Variants in RBM19 observed in about 807,000 individuals in gnomAD.
RBM19 encodes the protein probable RNA-binding protein 19.
A neutral mutation model predicts 116.8 loss-of-function variants in RBM19; 94 were observed. The ratio of observed to expected loss-of-function variants is 0.80; its 90% CI spans 0.68 to 0.95. RBM19 has a LOEUF of 0.95. Ranked by LOEUF, RBM19 falls within the 40% of genes least tolerant of loss-of-function variation. The pLI, the probability that RBM19 is intolerant of heterozygous loss-of-function variation, is 0.00. For synonymous variants in RBM19, 475 were observed against 494.1 expected, an observed-to-expected ratio of 0.96 and a Z score of 0.51; for missense variants, 1,161 against 1,220.7, an observed-to-expected ratio of 0.95 and a Z score of 0.73.
intron 21 of RBM19, among the ~76,000 whole-genome samples, chr12:113,882,881 T>C (rs1880246413): frequency 6.6e-6 from 1 of 152,364 alleles, no homozygotes; most frequent in South Asian, 2.1e-4. Context: ...CCAGCTTTTA[T>C]GCTGAGTCTG....
chr12:113,930,698 G>A (rs1869527416), intron 16 of RBM19, among the ~76,000 whole-genome samples: 1 of 152,214 alleles, frequency 6.6e-6, no homozygotes, highest in Non-Finnish European at 1.5e-5. Flanking sequence ...AGCAGCGCAG[G>A]CTCTGGCTGA....
At chr12:113,863,675 C>T (rs775067665) in intron 21 of RBM19, among the ~76,000 whole-genome samples, 2 of 152,166 alleles carry the variant, frequency 1.3e-5, no homozygotes, top group Non-Finnish European at 2.9e-5. Flanking sequence ...TTCTCCCCAC[C>T]TGCACCCAAG....
intron 21 of RBM19, among the ~76,000 whole-genome samples, chr12:113,861,406 A>C (rs1878356741): frequency 6.6e-6 from 1 of 151,652 alleles, no homozygotes; most frequent in Non-Finnish European, 1.5e-5. Context: ...TTCTGCCCAC[A>C]AGGGCTATAA....
chr12:113,962,438 G>A, intron 1 of RBM19, 24 bp from the exon 2 acceptor site: 1 of 1,602,282 alleles, frequency 6.2e-7, no homozygotes, highest in Non-Finnish European at 8.5e-7. Context: ...AAAGGAATGA[G>A]AGACGAACTG....
At chr12:113,945,032 AT>A (rs2135915966) in intron 13 of RBM19, among the ~76,000 whole-genome samples, 1 of 152,308 alleles carries the variant, frequency 6.6e-6, no homozygotes, top group South Asian at 2.1e-4. Flanking sequence ...TAGAGATCTA[AT>A]ATAAATGTAC....
intron 21 of RBM19, among the ~76,000 whole-genome samples, chr12:113,908,198 C>G (rs1291994600): frequency 1.3e-5 from 2 of 152,176 alleles, no homozygotes; most frequent in African/African-American, 4.8e-5. Flanking sequence ...AAGTCTTCCC[C>G]CATCCTGCTC....
At position 113,915,008 on chromosome 12, in the gene RBM19, G is replaced by A; in HGVS notation, c.2519C>T (p.Pro840Leu). The change falls in exon 21 of 24, where the codon CCC becomes CTC. Residue 840 changes from proline to leucine, a missense_variant. Pro to Leu is a moderately conservative substitution (Grantham distance 98, BLOSUM62 -3). Coordinates refer to ENST00000261741, the MANE Select transcript of RBM19 (RefSeq NM_016196.4). ...GATCTCCCGGCTGTGGGCCTGGAAG[G>A]GGATGTTCCGCACCAGGATCTTGGA... Reference protein sequence around the residue: ...TTSKILVRNIPFQAHSREIRE... With the variant: ...TTSKILVRNILFQAHSREIRE... 3 of 1,614,184 alleles carry A rather than the reference G, an allele frequency of 1.9e-6. No homozygotes were observed. Among genetic ancestry groups the A allele is most frequent in the South Asian group, 2.2e-5 (2 of 91,084 alleles).
chr12:113,853,680 G>A (rs1341785167), intron 22 of RBM19, among the ~76,000 whole-genome samples: 1 of 152,200 alleles, frequency 6.6e-6, no homozygotes, highest in Non-Finnish European at 1.5e-5. Context: ...CAGCCAATGG[G>A]GATGAGTGTA....
intron 22 of RBM19, among the ~76,000 whole-genome samples, chr12:113,853,657 A>C: frequency 6.6e-6 from 1 of 152,128 alleles, no homozygotes; most frequent in Non-Finnish European, 1.5e-5. Context: ...CCCAATGGCT[A>C]TTGGTGGCCA....
In RBM19 at chr12:113,945,906, T is replaced by G; in HGVS notation, c.1548A>C (p.Thr516=). 1.3e-6 allele frequency: 2 copies of G among 1,581,756 alleles called. No individual in the cohort carries two copies. Among genetic ancestry groups the G allele is most frequent in the Non-Finnish European group, 1.7e-6 (2 of 1,150,594 alleles). Reference sequence around the variant, plus strand: ...CCACGGCATTCGGCCCCATGAATAGTGTGTTCCAGTTGTGAGAGCTAAGAG... The same window carrying G: ...CCACGGCATTCGGCCCCATGAATAGGGTGTTCCAGTTGTGAGAGCTAAGAG... ...ANSASSHNWN[T]LFMGPNAVAD... Residue 516 remains threonine (T), a synonymous_variant, in exon 13 of 24, where the codon ACA becomes ACC. Transcript: ENST00000261741.
At chr12:113,944,008 G>A (rs1438017866) in intron 13 of RBM19, among the ~76,000 whole-genome samples, 2 of 151,304 alleles carry the variant, frequency 1.3e-5, no homozygotes, top group Non-Finnish European at 2.9e-5. Flanking sequence ...AATGGGCAAG[G>A]AGCTTACGAG....
Position 113,937,341 on chromosome 12 carries a change from T to C in RBM19, c.1939-205A>G. The C allele has an allele frequency of 6.1e-6, 3 of 492,328 alleles. No homozygotes were observed. The South Asian group carries it at 9.8e-5, about 16-fold the overall frequency. The allele number at this position is 492,328 out of a possible 1,614,324, so 30.5% of individuals were successfully genotyped here. Reference sequence around the variant, plus strand: ...TCGGCCCCCATGCTGCATCTCAGGGTGCAGGAGAGAGGCTTTAGTCTCTGT... The same window carrying C: ...TCGGCCCCCATGCTGCATCTCAGGGCGCAGGAGAGAGGCTTTAGTCTCTGT... On this transcript the variant is annotated intron_variant, in intron 15 of 23. Coordinates refer to ENST00000261741, the MANE Select transcript of RBM19 (RefSeq NM_016196.4).
chr12:113,830,578 G>T (rs1447887839), intron 23 of RBM19, among the ~76,000 whole-genome samples: 23 of 108,696 alleles, frequency 2.1e-4, no homozygotes, highest in African/African-American at 6.0e-4. Context: ...TGCGGGGCGG[G>T]GGGGGGGGGG....
At chr12:113,950,054 G>T in intron 9 of RBM19, 29 bp downstream of exon 9, 1 of 1,551,726 alleles carries the variant, frequency 6.4e-7, no homozygotes, top group African/African-American at 1.4e-5. Context: ...CTGTAACACA[G>T]AGAGAGCACA....
chr12:113,942,276 C>T (rs759443579), intron 14 of RBM19, 48 bp downstream of exon 14: 18 of 1,540,508 alleles, frequency 1.2e-5, no homozygotes, highest in African/African-American at 2.7e-5. Context: ...AGGCCATTCT[C>T]GACTCTCCAG....
intron 21 of RBM19, among the ~76,000 whole-genome samples, chr12:113,905,165 C>T (rs930900715): frequency 6.6e-6 from 1 of 152,232 alleles, no homozygotes; most frequent in Non-Finnish European, 1.5e-5. Context: ...CAACCCCAGC[C>T]AGGCAATCAC....
intron 1 of RBM19, among the ~76,000 whole-genome samples, chr12:113,963,958 T>C (rs915520985): frequency 6.6e-6 from 1 of 152,226 alleles, no homozygotes; most frequent in Admixed American, 6.5e-5. Flanking sequence ...CCAGGAGGCC[T>C]TTCTTAGATG....
intron 23 of RBM19, among the ~76,000 whole-genome samples, chr12:113,835,899 T>C (rs1875834965): frequency 1.3e-5 from 2 of 152,362 alleles, no homozygotes; most frequent in South Asian, 4.1e-4. Flanking sequence ...AAAGCCTGTT[T>C]GCCCAGCCTC....
chr12:113,953,227 G>A (rs1392303814), intron 7 of RBM19, among the ~76,000 whole-genome samples: 6 of 152,234 alleles, frequency 3.9e-5, no homozygotes, highest in Non-Finnish European at 7.3e-5. Flanking sequence ...GGTGGCTCAC[G>A]CCTGTAATCC....
Sources: allele counts gnomAD v4.1 joint callset (sites outside exome capture counted in the v4.1 genomes callset), GRCh38; gene constraint gnomAD v4.1.1; transcripts MANE v1.5; gene names NCBI Gene and HGNC (gene_info 2026-07-23, HGNC 2026-07-21).